DNAH11: variants seen among roughly 807,000 people sequenced by gnomAD.
DNAH11 encodes dynein axonemal heavy chain 11.
In DNAH11, 442 loss-of-function variants were observed where a neutral mutation model predicts 526.0. The observed-to-expected ratio is 0.84, with a 90% CI of 0.78 to 0.91. DNAH11 has a LOEUF of 0.91. Among genes scored for constraint, DNAH11 ranks in the 40% least tolerant of loss-of-function variants. The probability of loss-of-function intolerance (pLI) is 0.00; values close to 1 mark genes in which losing one functional copy is unlikely to be tolerated. For synonymous variants in DNAH11, 2,461 were observed against 1,935.9 expected (o/e 1.27, Z -7.12); for missense variants, 6,989 against 5,448.7 (o/e 1.28, Z -8.90).
At chr7:21,687,002 C>A in intron 32 of DNAH11, 97 bp from the exon 33 acceptor site, 1 of 1,164,416 alleles carries the variant, frequency 8.6e-7, no homozygotes, top group Non-Finnish European at 1.2e-6. Flanking sequence ...CTATCACATT[C>A]TAGAGCTTCT....
intron 17 of DNAH11, 84 bp from the exon 18 acceptor site, chr7:21,601,312 A>G: frequency 2.7e-6 from 4 of 1,459,658 alleles, no homozygotes; most frequent in Admixed American, 2.2e-5. Flanking sequence ...CATAATGAAA[A>G]TAAGATTCAA....
intron 25 of DNAH11, among the ~76,000 whole-genome samples, chr7:21,633,240 C>A (rs1436588797): frequency 6.6e-6 from 1 of 152,174 alleles, no homozygotes; most frequent in Non-Finnish European, 1.5e-5. Flanking sequence ...AACATATGAT[C>A]TGTCTTGGAG....
chr7:21,749,852 C>G (rs1379289196), intron 53 of DNAH11, 51 bp downstream of exon 53: 84 of 1,607,682 alleles, frequency 5.2e-5, no homozygotes, highest in Non-Finnish European at 7.1e-5. Context: ...GACAAATTAT[C>G]TGTAGTTTCA....
chr7:21,734,044 C>T (rs1785501405), intron 45 of DNAH11, among the ~76,000 whole-genome samples: 1 of 152,156 alleles, frequency 6.6e-6, no homozygotes, highest in African/African-American at 2.4e-5. Flanking sequence ...GCAGGATTCA[C>T]ACCCAGGCAG....
At chr7:21,806,009 A>G (rs1026424413) in intron 62 of DNAH11, among the ~76,000 whole-genome samples, 5 of 152,216 alleles carry the variant, frequency 3.3e-5, no homozygotes, top group African/African-American at 1.2e-4. Flanking sequence ...CAGCTGTTCA[A>G]AATTAGAAAT....
At chr7:21,744,292 T>C (rs1786046757) in intron 49 of DNAH11, 146 bp from the exon 50 acceptor site, 1 of 954,654 alleles carries the variant, frequency 1.0e-6, no homozygotes, top group Admixed American at 2.5e-5. Flanking sequence ...GTAAACCTAC[T>C]TTTATACACG....
intron 55 of DNAH11, among the ~76,000 whole-genome samples, chr7:21,771,614 A>T (rs1787437045): frequency 6.6e-6 from 1 of 152,050 alleles, no homozygotes; most frequent in Non-Finnish European, 1.5e-5. Flanking sequence ...TAGTGGGGAA[A>T]CCTTGAGTTT....
intron 62 of DNAH11, among the ~76,000 whole-genome samples, chr7:21,806,889 G>C (rs941947630): frequency 1.3e-5 from 2 of 152,100 alleles, no homozygotes; most frequent in Non-Finnish European, 2.9e-5. Flanking sequence ...GACTTCAACA[G>C]CATTCTTGGG....
chr7:21,845,096 G>A lies in DNAH11; in HGVS notation c.10896+2348G>A, dbSNP rs201197087. ...TTTTTTATGTTAGCATAAAAAAGTT[G>A]CAGGAGTTCTTGTATTCTGAATGTC... On this transcript the variant is annotated intron_variant, in intron 66 of 81. Transcript: ENST00000409508. Among the ~76,000 whole-genome samples the A allele has an allele frequency of 3.3e-5, 5 of 152,138 alleles. No homozygotes were observed. The East Asian group carries it at 9.7e-4, about 29-fold the overall frequency.
At chr7:21,546,185 C>G (rs62439330) in intron 2 of DNAH11, among the ~76,000 whole-genome samples, 29,185 of 151,560 alleles carry the variant, frequency 0.19, 2,991 homozygotes, top group South Asian at 0.26. Context: ...ATGATCACAC[C>G]TCTTCTACTT....
chr7:21,743,330 A>G (rs545193679), intron 49 of DNAH11, among the ~76,000 whole-genome samples: 2 of 152,362 alleles, frequency 1.3e-5, no homozygotes, highest in South Asian at 4.1e-4. Context: ...TAGTTGGATC[A>G]TTTTGGTTTA....
intron 25 of DNAH11, among the ~76,000 whole-genome samples, chr7:21,621,692 C>A (rs1786065023): frequency 6.6e-6 from 1 of 151,724 alleles, no homozygotes; most frequent in South Asian, 2.1e-4. Flanking sequence ...AAATGTAATC[C>A]AGCATATAAA....
intron 56 of DNAH11, among the ~76,000 whole-genome samples, chr7:21,775,293 A>G (rs1787625231): frequency 6.6e-6 from 1 of 152,126 alleles, no homozygotes; most frequent in South Asian, 2.1e-4. Context: ...GCATATCCAT[A>G]TTTGTGCACC....
intron 75 of DNAH11, among the ~76,000 whole-genome samples, chr7:21,881,912 C>T (rs1229824178): frequency 6.9e-6 from 1 of 145,730 alleles, no homozygotes; most frequent in Admixed American, 7.2e-5. Flanking sequence ...GTTCAGTGTT[C>T]CATATCTCTC....
chr7:21,811,234 G>A (rs747418876), intron 63 of DNAH11, among the ~76,000 whole-genome samples: 18 of 152,150 alleles, frequency 1.2e-4, no homozygotes, highest in Non-Finnish European at 1.9e-4. Flanking sequence ...AGGCCATGGC[G>A]GGCAGATCAC....
chr7:21,770,475 A>G (rs866608330), intron 55 of DNAH11, among the ~76,000 whole-genome samples: 11 of 152,120 alleles, frequency 7.2e-5, no homozygotes, highest in Non-Finnish European at 7.4e-5. Flanking sequence ...CAGATTTTCA[A>G]TTTTCAGATT....
chr7:21,839,931 A>T (rs993716789), intron 65 of DNAH11, among the ~76,000 whole-genome samples: 3 of 152,252 alleles, frequency 2.0e-5, no homozygotes, highest in African/African-American at 7.2e-5. Context: ...ATTCATATTC[A>T]GGCAACAAAA....
rs73685321 is a variant in DNAH11 at position 21,885,650 on chromosome 7, T to C, written c.12507+1240T>C. ...CCAAAGAAATGAGAAATATTTAAGA[T>C]GATGGGCCTGCTGATTGCCTGATTT... On this transcript the variant is annotated intron_variant, in intron 76 of 81. Transcript: ENST00000409508. 2.1e-3 allele frequency among the ~76,000 whole-genome samples: 324 copies of C among 152,258 alleles called. 3 individuals are homozygous for C. The highest frequency in any genetic ancestry group is 7.3e-3 in the African/African-American group (302 of 41,556).
chr7:21,884,570 C>T (rs1246273028), intron 76 of DNAH11, among the ~76,000 whole-genome samples, 160 bp downstream of exon 76: 2 of 152,056 alleles, frequency 1.3e-5, no homozygotes, highest in African/African-American at 2.4e-5. Flanking sequence ...GGGTTCCATC[C>T]CAGACCTACA....
Sources: allele counts gnomAD v4.1 joint callset (sites outside exome capture counted in the v4.1 genomes callset), GRCh38; gene constraint gnomAD v4.1.1; transcripts MANE v1.5; gene names NCBI Gene and HGNC (gene_info 2026-07-23, HGNC 2026-07-21).